The following TOP1 variants were observed in gnomAD, a reference collection of about 807,000 sequenced individuals.
TOP1 encodes DNA topoisomerase 1.
TOP1 carries 10 observed loss-of-function variants against 111.1 expected under a neutral mutation model. That is an observed-to-expected ratio of 0.09 (90% CI 0.06 to 0.15). TOP1 has a LOEUF of 0.15. Among genes scored for constraint, TOP1 ranks in the 10% least tolerant of loss-of-function variants. The pLI is 1.00. For missense variants in TOP1, 474 were observed against 926.7 expected, an observed-to-expected ratio of 0.51 and a Z score of 6.34; for synonymous variants, 271 against 302.9, an observed-to-expected ratio of 0.89 and a Z score of 1.10.
chr20:41,072,184 C>T (rs915877435), intron 3 of TOP1: 3 of 949,786 alleles, frequency 3.2e-6, no homozygotes, highest in Admixed American at 6.2e-5. Flanking sequence ...AGCCTCTAAC[C>T]TGGCTAATAT....
Position 41,099,192 on chromosome 20 carries a change from G to C in TOP1, c.975+855G>C, listed in dbSNP as rs550348486. 2.0e-5 allele frequency among the ~76,000 whole-genome samples: 3 copies of C among 152,158 alleles called. No individual in the cohort carries two copies. The East Asian group carries it at 5.8e-4, about 29-fold the overall frequency. ...ACTCATTGTTTCATGGTACTTATTT[G>C]GTCACTAGTTTAAAAATTAATGCAT... On this transcript the variant is annotated intron_variant, in intron 11 of 20. Coordinates refer to ENST00000361337, the MANE Select transcript of TOP1 (RefSeq NM_003286.4).
At chr20:41,081,373 A>G (rs1057494240) in intron 7 of TOP1, 133 bp downstream of exon 7, 3 of 1,098,870 alleles carry the variant, frequency 2.7e-6, no homozygotes, top group Non-Finnish European at 3.7e-6. Context: ...AAATTTAATA[A>G]GTGGTGGCTG....
chr20:41,084,352 A>G, intron 7 of TOP1, 110 bp from the exon 8 acceptor site: 5 of 539,914 alleles, frequency 9.3e-6, no homozygotes, highest in Non-Finnish European at 1.7e-5. Flanking sequence ...GATCTTCTTT[A>G]GTTCTAATAC....
rs546259330 is a variant in TOP1 at position 41,118,950 on chromosome 20, A to G, written c.1950+654A>G. 1.3e-5 allele frequency among the ~76,000 whole-genome samples: 2 copies of G among 152,328 alleles called. No homozygotes were observed. The highest frequency in any genetic ancestry group is 1.9e-4 in the East Asian group (1 of 5,196). On this transcript the variant is annotated intron_variant, in intron 18 of 20. Transcript: ENST00000361337. This position sits in a 1 kb window ranked among gnomAD's most constrained non-coding sequence, Gnocchi z 4.6. Reference sequence around the variant, plus strand: ...ACCATAAGGCACTTAACATTTGATGATGAACATTTTTGTGTTAGCAGTGAC... The same window carrying G: ...ACCATAAGGCACTTAACATTTGATGGTGAACATTTTTGTGTTAGCAGTGAC...
Position 41,094,398 on chromosome 20 carries a change from C to A in TOP1, c.730+1811C>A, listed in dbSNP as rs1269195272. Among the ~76,000 whole-genome samples the A allele has an allele frequency of 6.6e-6, 1 of 152,132 alleles. No homozygotes were observed. Among genetic ancestry groups the A allele is most frequent in the South Asian group, 2.1e-4 (1 of 4,822 alleles). On this transcript the variant is annotated intron_variant, in intron 9 of 20. Coordinates refer to ENST00000361337, the MANE Select transcript of TOP1 (RefSeq NM_003286.4). The surrounding 1 kb of genome is among the most constrained non-coding windows in gnomAD (Gnocchi z 4.4). ...ATTCCGTAGGCCTGGTCTGGACTTACCAAGAGCTTTAGGATGCTCAGCTGG... is the reference window on the plus strand; with the variant it reads ...ATTCCGTAGGCCTGGTCTGGACTTAACAAGAGCTTTAGGATGCTCAGCTGG...
intron 2 of TOP1, among the ~76,000 whole-genome samples, chr20:41,031,352 G>T (rs1458369934): frequency 1.3e-5 from 2 of 152,208 alleles, no homozygotes; most frequent in Non-Finnish European, 2.9e-5. Context: ...TTGGCTGTCA[G>T]GCTGGGCTGA....
chr20:41,066,531 A>G (rs2033608623), intron 3 of TOP1, among the ~76,000 whole-genome samples: 1 of 148,544 alleles, frequency 6.7e-6, no homozygotes, highest in Non-Finnish European at 1.5e-5. Context: ...AATTTGTTGT[A>G]TGTACTTTTG....
chr20:41,056,581 A>C (rs1475083691), intron 2 of TOP1, among the ~76,000 whole-genome samples: 1 of 152,124 alleles, frequency 6.6e-6, no homozygotes, highest in East Asian at 1.9e-4. Context: ...TCCTGTGCCC[A>C]AGCAGTCTTC....
chr20:41,091,205 AATAAT>A (rs2033915950), intron 8 of TOP1, among the ~76,000 whole-genome samples: 1 of 152,332 alleles, frequency 6.6e-6, no homozygotes, highest in Admixed American at 6.5e-5. Flanking sequence ...TTGATAATAA[AATAAT>A]AAATAAAATA....
At chr20:41,056,043 A>G (rs1482224992) in intron 2 of TOP1, among the ~76,000 whole-genome samples, 1 of 152,048 alleles carries the variant, frequency 6.6e-6, no homozygotes, top group African/African-American at 2.4e-5. Flanking sequence ...GTAATTACCA[A>G]CCTTTTGCCA....
intron 3 of TOP1, among the ~76,000 whole-genome samples, chr20:41,062,474 T>TA (rs2015636642): frequency 6.6e-6 from 1 of 152,236 alleles, no homozygotes; most frequent in East Asian, 1.9e-4. Flanking sequence ...ATCCCTCACT[T>TA]ATCTCTTATC....
chr20:41,074,472 A>G lies in TOP1; in HGVS notation c.156-1699A>G, dbSNP rs73909136. Among the ~76,000 whole-genome samples, 358 of 148,760 alleles carry G rather than the reference A, an allele frequency of 2.4e-3. 1 individual carries two copies. Among genetic ancestry groups the G allele is most frequent in the African/African-American group, 8.6e-3 (348 of 40,476 alleles). ...AGAGGGAGAAATATGTAAGCAAGGG[A>G]AAGTGGGCATTGTTTTGTTTTTTTT... On this transcript the variant is annotated intron_variant, in intron 3 of 20. Coordinates refer to ENST00000361337, the MANE Select transcript of TOP1 (RefSeq NM_003286.4).
chr20:41,111,354 T>G (rs1430717942), intron 13 of TOP1, among the ~76,000 whole-genome samples: 1 of 152,226 alleles, frequency 6.6e-6, no homozygotes, highest in African/African-American at 2.4e-5. Flanking sequence ...AGGTATTTTT[T>G]CTGTGTCACC....
intron 2 of TOP1, among the ~76,000 whole-genome samples, chr20:41,054,949 T>C (rs1391842137): frequency 6.6e-6 from 1 of 152,164 alleles, no homozygotes; most frequent in Non-Finnish European, 1.5e-5. Flanking sequence ...GCTTCTTTAC[T>C]TAAAAGCTTT....
intron 2 of TOP1, among the ~76,000 whole-genome samples, chr20:41,042,578 A>G (rs1466932615): frequency 6.6e-6 from 1 of 152,230 alleles, no homozygotes; most frequent in East Asian, 1.9e-4. Flanking sequence ...CCTTTAGATT[A>G]AATTAGTTGG....
At chr20:41,068,628 A>T (rs2033635367) in intron 3 of TOP1, among the ~76,000 whole-genome samples, 1 of 152,124 alleles carries the variant, frequency 6.6e-6, no homozygotes, top group Admixed American at 6.5e-5. Context: ...GTGGTCTGGA[A>T]CTTCTGGGCT....
At chr20:41,038,500 A>G (rs1314910624) in intron 2 of TOP1, among the ~76,000 whole-genome samples, 1 of 152,126 alleles carries the variant, frequency 6.6e-6, no homozygotes, top group Non-Finnish European at 1.5e-5. Flanking sequence ...ACATATATCT[A>G]TTGTGAAATT....
intron 8 of TOP1, 144 bp downstream of exon 8, chr20:41,084,712 A>C (rs2076576): frequency 0.21 from 115,951 of 557,810 alleles, 17,274 homozygotes; most frequent in East Asian, 0.7. Flanking sequence ...TTCTGAAGTA[A>C]GTTTTCCAAC....
intron 3 of TOP1, chr20:41,073,392 A>G: frequency 2.0e-6 from 2 of 983,990 alleles, no homozygotes; most frequent in East Asian, 1.1e-4. Context: ...AAAAAAAGAA[A>G]GAAAGAAAAG....
Sources: allele counts gnomAD v4.1 joint callset (sites outside exome capture counted in the v4.1 genomes callset), GRCh38; gene constraint gnomAD v4.1.1; non-coding constraint Gnocchi (gnomAD v3.1); transcripts MANE v1.5; gene names NCBI Gene and HGNC (gene_info 2026-07-23, HGNC 2026-07-21).